The following TANGO6 variants were observed in gnomAD, a reference collection of about 807,000 sequenced individuals.
TANGO6 encodes transport and Golgi organization protein 6 homolog.
A neutral mutation model predicts 114.2 loss-of-function variants in TANGO6; 90 were observed. That is an observed-to-expected ratio of 0.79 (90% confidence interval 0.66 to 0.94). The LOEUF is 0.94. TANGO6 is among the 40% of genes least tolerant of loss of function. TANGO6 has a pLI of 0.00. For missense variants in TANGO6, 1,274 were observed against 1,315.3 expected (o/e 0.97, Z 0.49); for synonymous variants, 477 against 509.8 (o/e 0.94, Z 0.87).
intron 17 of TANGO6, among the ~76,000 whole-genome samples, chr16:69,065,357 C>T (rs1162901703): frequency 3.3e-5 from 5 of 152,240 alleles, no homozygotes; most frequent in Non-Finnish European, 7.3e-5. Flanking sequence ...CCTGAGCTAT[C>T]ATCCCTCCCA....
intron 14 of TANGO6, among the ~76,000 whole-genome samples, chr16:68,961,853 T>C (rs915138032): frequency 1.3e-5 from 2 of 152,216 alleles, no homozygotes; most frequent in African/African-American, 4.8e-5. Context: ...CACCAATCTG[T>C]AATTGTCCTC....
At chr16:68,900,376 T>A in intron 7 of TANGO6, 58 bp from the exon 8 acceptor site, 2 of 1,407,650 alleles carry the variant, frequency 1.4e-6, no homozygotes, top group East Asian at 4.6e-5. Flanking sequence ...GGTGTGTGAT[T>A]CCCGTTGCTC....
intron 17 of TANGO6, among the ~76,000 whole-genome samples, chr16:69,044,857 GA>G (rs1232258830): frequency 6.6e-6 from 1 of 151,856 alleles, no homozygotes; most frequent in Non-Finnish European, 1.5e-5. Flanking sequence ...ATCTGAAAAA[GA>G]AAAAAAATTT....
At chr16:69,061,290 C>A (rs1960111884) in intron 17 of TANGO6, among the ~76,000 whole-genome samples, 1 of 152,142 alleles carries the variant, frequency 6.6e-6, no homozygotes, top group Non-Finnish European at 1.5e-5. Flanking sequence ...TCTGGCTGGA[C>A]GCAGTGGCTC....
Position 68,928,898 on chromosome 16 carries a change from G to A in TANGO6, c.2643+815G>A, listed in dbSNP as rs572200974. Among the ~76,000 whole-genome samples the A allele has an allele frequency of 1.4e-4, 22 of 152,138 alleles. 1 individual carries two copies. The East Asian group carries it at 2.7e-3, about 19-fold the overall frequency. ...CCCTCTTCTCTCCCTTCATCGTGGT[G>A]AAATAGCTGTTTTTTGTTTTGTTTT... On this transcript the variant is annotated intron_variant, in intron 13 of 17. Coordinates refer to ENST00000261778, the MANE Select transcript of TANGO6 (RefSeq NM_024562.2).
intron 7 of TANGO6, among the ~76,000 whole-genome samples, chr16:68,888,814 T>C (rs1437982672): frequency 2.0e-5 from 3 of 152,190 alleles, no homozygotes; most frequent in Non-Finnish European, 2.9e-5. Context: ...AGACTTTATT[T>C]ATTATTATTA....
In TANGO6 at chr16:68,893,978, T is replaced by G. The variant is rs551039692; in HGVS notation, c.1378-6456T>G. Among the ~76,000 whole-genome samples the G allele has an allele frequency of 3.9e-5, 6 of 152,172 alleles. No homozygotes were observed. In the East Asian group the frequency reaches 1.2e-3, roughly 29 times the overall value. ...TGGAGCGGTCAGGCCCTGCCCTCCA[T>G]GGGGCAGGAACAGCTTGTCTGTTGT... On this transcript the variant is annotated intron_variant, in intron 7 of 17. Coordinates refer to ENST00000261778, the MANE Select transcript of TANGO6 (RefSeq NM_024562.2).
intron 14 of TANGO6, among the ~76,000 whole-genome samples, chr16:68,962,969 C>A (rs1015502154): frequency 4.6e-5 from 7 of 150,950 alleles, no homozygotes; most frequent in South Asian, 4.2e-4. Context: ...TGGCGGGCGC[C>A]CGTAGTCCCA....
chr16:69,034,407 C>A, intron 16 of TANGO6: 1 of 160,026 alleles, frequency 6.2e-6, no homozygotes, highest in Non-Finnish European at 1.4e-5. Flanking sequence ...TGCCTGACCC[C>A]CAGCCTCTGG....
intron 4 of TANGO6, among the ~76,000 whole-genome samples, chr16:68,873,113 C>G (rs939646296): frequency 2.6e-5 from 4 of 151,722 alleles, no homozygotes; most frequent in South Asian, 2.1e-4. Context: ...CAACCCTCCC[C>G]CCATGTCCCC....
intron 16 of TANGO6, among the ~76,000 whole-genome samples, chr16:69,037,754 A>G (rs1056037283): frequency 6.6e-6 from 1 of 152,216 alleles, no homozygotes; most frequent in Non-Finnish European, 1.5e-5. Flanking sequence ...ACAGCCCCCA[A>G]AGGGTTGGAC....
intron 1 of TANGO6, among the ~76,000 whole-genome samples, chr16:68,857,690 A>C (rs1749398870): frequency 6.6e-6 from 1 of 152,204 alleles, no homozygotes. Flanking sequence ...TAATGTTGTC[A>C]GTGTCCTGGA....
Position 68,867,212 on chromosome 16 carries a change from G to T in TANGO6, c.986G>T (p.Gly329Val), listed in dbSNP as rs199947766. 1.9e-6 allele frequency: 3 copies of T among 1,613,762 alleles called. No homozygotes were observed. The Admixed American group carries it at 5.0e-5, about 27-fold the overall frequency. Residue 329 changes from glycine (G) to valine (V), a missense_variant, in exon 4 of 18, where the codon GGA becomes GTA. This residue lies in a region of TANGO6 where 908 missense variants were observed against 910.2 expected (regional missense o/e 1.00). Transcript: ENST00000261778. ...VQAVVRGILE[G>V]AGAGAAGGSD... ...GCAGTAGTCCGGGGCATTTTGGAAG[G>T]AGCAGGTGGTAAGAAATAAAATGTT...
chr16:69,017,281 TG>T (rs1370760750), intron 15 of TANGO6, among the ~76,000 whole-genome samples: 1 of 152,210 alleles, frequency 6.6e-6, no homozygotes, highest in Non-Finnish European at 1.5e-5. Flanking sequence ...GGGTAAGGAC[TG>T]TATCTTTCTT....
chr16:69,055,055 G>A (rs1160818695), intron 17 of TANGO6, among the ~76,000 whole-genome samples: 4 of 151,828 alleles, frequency 2.6e-5, no homozygotes, highest in Non-Finnish European at 5.9e-5. Context: ...AATTTTAGTG[G>A]GGTTTCAAGA....
chr16:68,973,880 G>C (rs181848205), intron 14 of TANGO6, 148 bp from the exon 15 acceptor site: 14 of 867,690 alleles, frequency 1.6e-5, no homozygotes, highest in Non-Finnish European at 2.5e-5. Flanking sequence ...TCACTATGCT[G>C]ACTCTCCAAA....
intron 14 of TANGO6, among the ~76,000 whole-genome samples, chr16:68,955,887 C>T (rs1963525278): frequency 6.6e-6 from 1 of 152,136 alleles, no homozygotes; most frequent in Non-Finnish European, 1.5e-5. Context: ...TGGTGGCTCA[C>T]ATCTGTAATC....
At chr16:69,003,365 A>C (rs1597054273) in intron 15 of TANGO6, among the ~76,000 whole-genome samples, 2 of 152,334 alleles carry the variant, frequency 1.3e-5, no homozygotes, top group Admixed American at 1.3e-4. Context: ...AATCAAAAGG[A>C]ATTCATTCCC....
intron 13 of TANGO6, among the ~76,000 whole-genome samples, chr16:68,929,501 A>G (rs1232164672): frequency 1.3e-5 from 2 of 152,210 alleles, no homozygotes; most frequent in Non-Finnish European, 2.9e-5. Flanking sequence ...CTTCACATGT[A>G]GAGACCAGCA....
Sources: gnomAD v4.1 joint callset for allele counts (sites outside exome capture counted in the v4.1 genomes callset) on GRCh38, gnomAD v4.1.1 for gene constraint, gnomAD v4.1.1 regional missense constraint, MANE v1.5 for transcripts, NCBI Gene and HGNC (gene_info 2026-07-23, HGNC 2026-07-21) for gene names.